The following MFSD6 variants were observed in gnomAD, a reference collection of about 807,000 sequenced individuals.
The protein encoded by MFSD6 is major facilitator superfamily domain containing 6.
Under a neutral mutation model 56.3 loss-of-function variants are expected in MFSD6, and 26 were observed. The ratio of observed to expected loss-of-function variants is 0.46; its 90% confidence interval spans 0.34 to 0.64. MFSD6 has a LOEUF of 0.64. Ranked by LOEUF, MFSD6 falls within the 30% of genes least tolerant of loss-of-function variation. MFSD6 has a pLI of 0.01. For missense variants in MFSD6, 750 were observed against 986.2 expected, an observed-to-expected ratio of 0.76 and a Z score of 3.21; for synonymous variants, 331 against 366.9, an observed-to-expected ratio of 0.90 and a Z score of 1.12.
In MFSD6 at chr2:190,424,410, A is replaced by C. The variant is rs1446609191; in HGVS notation, c.-54+8997A>C. ...GAGTGCAATGGCTCTGTCTCGGCTC[A>C]CTGCAACCTCCGCCTCCCAGGTTCA... On this transcript the variant is annotated intron_variant, in intron 2 of 7. Coordinates refer to ENST00000392328, the MANE Select transcript of MFSD6 (RefSeq NM_017694.4). The surrounding 1 kb of genome is among the most constrained non-coding windows in gnomAD (Gnocchi z 5.9). Among the ~76,000 whole-genome samples, 1 of 151,724 alleles carries C rather than the reference A, an allele frequency of 6.6e-6. No homozygotes were observed. The highest frequency in any genetic ancestry group is 1.5e-5 in the Non-Finnish European group (1 of 67,950).
chr2:190,435,791 T>C (rs1686156845), intron 2 of MFSD6, 186 bp from the exon 3 acceptor site: 1 of 474,420 alleles, frequency 2.1e-6, no homozygotes. Context: ...CCATAAAGAG[T>C]ATTCGATTTT....
At position 190,437,026 on chromosome 2, in the gene MFSD6, C is replaced by T. The variant is rs1246772562; in HGVS notation, c.997C>T (p.Leu333=). 1 of 1,614,104 alleles carries T rather than the reference C, an allele frequency of 6.2e-7. No homozygotes were observed. The highest frequency in any genetic ancestry group is 1.3e-5 in the African/African-American group (1 of 74,950). The part of the protein sequence containing the change: ...RYGLQRMWGS[L]GWGLAMLSVG... ...TGGGTTGCAGCGCATGTGGGGCTCCCTGGGCTGGGGCCTGGCGATGCTGTC... is the reference window on the plus strand; with the variant it reads ...TGGGTTGCAGCGCATGTGGGGCTCCTTGGGCTGGGGCCTGGCGATGCTGTC... The change falls in exon 3 of 8, where the codon CTG becomes TTG. Residue 333 remains leucine (L), a synonymous_variant. Coordinates refer to ENST00000392328, the MANE Select transcript of MFSD6 (RefSeq NM_017694.4). This position sits in a 1 kb window ranked among gnomAD's most constrained non-coding sequence, Gnocchi z 5.9.
intron 4 of MFSD6, among the ~76,000 whole-genome samples, chr2:190,474,623 A>C (rs962725996): frequency 1.3e-5 from 2 of 152,246 alleles, no homozygotes; most frequent in Non-Finnish European, 2.9e-5. Flanking sequence ...TCACAGCTGA[A>C]TTCGACCAGA....
chr2:190,449,796 T>C (rs1164183544), intron 3 of MFSD6, among the ~76,000 whole-genome samples: 1 of 151,406 alleles, frequency 6.6e-6, no homozygotes, highest in Non-Finnish European at 1.5e-5. Flanking sequence ...TTCTCACTCA[T>C]AGGTGGGAAC....
intron 3 of MFSD6, among the ~76,000 whole-genome samples, chr2:190,460,294 A>T (rs1202342305): frequency 2.0e-5 from 3 of 152,230 alleles, no homozygotes; most frequent in African/African-American, 7.2e-5. Context: ...CAGAATATAG[A>T]CATCTATTTT....
At chr2:190,452,049 A>T (rs1241624672) in intron 3 of MFSD6, among the ~76,000 whole-genome samples, 1 of 151,516 alleles carries the variant, frequency 6.6e-6, no homozygotes, top group Non-Finnish European at 1.5e-5. Context: ...TGATTTAGTG[A>T]TTTCTACCAA....
At chr2:190,422,824 T>A (rs951886066) in intron 2 of MFSD6, among the ~76,000 whole-genome samples, 68 of 152,186 alleles carry the variant, frequency 4.5e-4, no homozygotes, top group Non-Finnish European at 1.9e-4. Context: ...GAGTTATTAT[T>A]TTCTAGATGT....
At position 190,471,458 on chromosome 2, in the gene MFSD6, T is replaced by G. The variant is rs1372902110; in HGVS notation, c.1630+1603T>G. ...AGGAGATTATATCCCGCACCTGGCT[T>G]GGAGGGTCCTACGCCCACGGAGCCT... On this transcript the variant is annotated intron_variant, in intron 4 of 7. Transcript: ENST00000392328. This position sits in a 1 kb window ranked among gnomAD's most constrained non-coding sequence, Gnocchi z 4.7. Among the ~76,000 whole-genome samples the G allele has an allele frequency of 6.6e-6, 1 of 152,184 alleles. No individual in the cohort carries two copies. The highest frequency in any genetic ancestry group is 1.5e-5 in the Non-Finnish European group (1 of 68,020).
At chr2:190,427,952 G>A (rs528434863) in intron 2 of MFSD6, among the ~76,000 whole-genome samples, 5 of 152,114 alleles carry the variant, frequency 3.3e-5, no homozygotes, top group Non-Finnish European at 4.4e-5. Flanking sequence ...GACTGGTCTC[G>A]AACTCCTGAC....
chr2:190,413,774 G>A lies in MFSD6; in HGVS notation c.-175-1518G>A, dbSNP rs987296992. ...CAGGCAGGTGCACTCCACTCTGCAC[G>A]GGGCCTGCTCTCTCTGAGCTCCAAT... On this transcript the variant is annotated intron_variant, in intron 1 of 7. Transcript: ENST00000392328. The surrounding 1 kb of genome is among the most constrained non-coding windows in gnomAD (Gnocchi z 4.1). Among the ~76,000 whole-genome samples, 4 of 152,136 alleles carry A rather than the reference G, an allele frequency of 2.6e-5. No homozygotes were observed. The highest frequency in any genetic ancestry group is 9.7e-5 in the African/African-American group (4 of 41,434).
rs1412603517 is a variant in MFSD6, at chr2:190,496,492, AG to A, written c.1892-945del. Among the ~76,000 whole-genome samples, 2 of 152,362 alleles carry A rather than the reference AG, an allele frequency of 1.3e-5. No homozygotes were observed. Among genetic ancestry groups the A allele is most frequent in the East Asian group, 3.9e-4 (2 of 5,192 alleles). ...ATCCCACTACTGGGTATCTACCCAG[AG>A]GAAAAGAAGTCATTATATGAAAAAG... On this transcript the variant is annotated intron_variant, in intron 6 of 7. Coordinates refer to ENST00000392328, the MANE Select transcript of MFSD6 (RefSeq NM_017694.4). The surrounding 1 kb of genome is among the most constrained non-coding windows in gnomAD (Gnocchi z 4.7).
rs1348699566 is a variant in MFSD6, at chr2:190,436,691, A to G, written c.662A>G (p.Asn221Ser). 1 of 1,614,094 alleles carries G rather than the reference A, an allele frequency of 6.2e-7. No homozygotes were observed. Among genetic ancestry groups the G allele is most frequent in the Non-Finnish European group, 8.5e-7 (1 of 1,180,050 alleles). ...TVTLPTAPNM[N>S]SEPTLQPQTG... Reference sequence around the variant, plus strand: ...ACTTTGCCAACAGCTCCAAACATGAACAGTGAACCCACTCTGCAGCCCCAG... The same window carrying G: ...ACTTTGCCAACAGCTCCAAACATGAGCAGTGAACCCACTCTGCAGCCCCAG... The change falls in exon 3 of 8, where the codon AAC (asparagine) becomes AGC (serine). Residue 221 changes from asparagine to serine, a missense_variant. This residue lies in a region of MFSD6 where 376 missense variants were observed against 437.9 expected (regional missense o/e 0.86). Coordinates refer to ENST00000392328, the MANE Select transcript of MFSD6 (RefSeq NM_017694.4). This position sits in a 1 kb window ranked among gnomAD's most constrained non-coding sequence, Gnocchi z 5.3.
At position 190,425,071 on chromosome 2, in the gene MFSD6, T is replaced by C. The variant is rs574705555; in HGVS notation, c.-54+9658T>C. ...TTTTCAGCATAAGGCCTTGTACACA[T>C]TTTTTAAATTTATACCCAAGTGTTT... On this transcript the variant is annotated intron_variant, in intron 2 of 7. Coordinates refer to ENST00000392328, the MANE Select transcript of MFSD6 (RefSeq NM_017694.4). This position sits in a 1 kb window ranked among gnomAD's most constrained non-coding sequence, Gnocchi z 4.3. Among the ~76,000 whole-genome samples, 161 of 151,298 alleles carry C rather than the reference T, an allele frequency of 1.1e-3. No individual in the cohort carries two copies. The highest frequency in any genetic ancestry group is 1.4e-3 in the Non-Finnish European group (92 of 68,018).
intron 2 of MFSD6, among the ~76,000 whole-genome samples, chr2:190,422,561 G>A (rs1685660434): frequency 6.6e-6 from 1 of 152,166 alleles, no homozygotes; most frequent in Non-Finnish European, 1.5e-5. Flanking sequence ...TGATGTTGTT[G>A]AGATATCTGA....
In MFSD6 at chr2:190,487,186, C is replaced by T. The variant is rs2125229468; in HGVS notation, c.1631-1471C>T. 6.6e-6 allele frequency among the ~76,000 whole-genome samples: 1 copy of T among 151,144 alleles called. No individual in the cohort carries two copies. Among genetic ancestry groups the T allele is most frequent in the African/African-American group, 2.4e-5 (1 of 41,100 alleles). On this transcript the variant is annotated intron_variant, in intron 4 of 7. Coordinates refer to ENST00000392328, the MANE Select transcript of MFSD6 (RefSeq NM_017694.4). This position sits in a 1 kb window ranked among gnomAD's most constrained non-coding sequence, Gnocchi z 5.5. ...TGAAACCCTGTCTCTACTAAAAATA[C>T]AAAAATTAGCTGGGGGTGGTGGCGG...
intron 4 of MFSD6, among the ~76,000 whole-genome samples, chr2:190,478,576 C>CT (rs778181726): frequency 6.6e-6 from 1 of 152,148 alleles, no homozygotes; most frequent in African/African-American, 2.4e-5. Context: ...AAAGGAGACT[C>CT]TATTTAGGAT....
rs370061335 is a variant in MFSD6, at chr2:190,461,076, C to T, written c.1533-8682C>T. 6.6e-6 allele frequency among the ~76,000 whole-genome samples: 1 copy of T among 152,100 alleles called. No homozygotes were observed. Among genetic ancestry groups the T allele is most frequent in the African/African-American group, 2.4e-5 (1 of 41,406 alleles). ...ACTCTTTGGACAACTAGATGGTTTA[C>T]CCACACCCAATCTCCCAAGAGTTTC... On this transcript the variant is annotated intron_variant, in intron 3 of 7. Coordinates refer to ENST00000392328, the MANE Select transcript of MFSD6 (RefSeq NM_017694.4). This position sits in a 1 kb window ranked among gnomAD's most constrained non-coding sequence, Gnocchi z 5.5.
intron 4 of MFSD6, among the ~76,000 whole-genome samples, chr2:190,481,410 A>C (rs1281911505): frequency 6.6e-6 from 1 of 152,196 alleles, no homozygotes; most frequent in East Asian, 1.9e-4. Context: ...AACCTTACCC[A>C]GGGTACCTTT....
intron 4 of MFSD6, among the ~76,000 whole-genome samples, chr2:190,486,479 A>C (rs529459215): frequency 6.6e-6 from 1 of 152,296 alleles, no homozygotes; most frequent in African/African-American, 2.4e-5. Context: ...AGAGTCTTCA[A>C]CTTGGCAGTT....
Sources: gnomAD v4.1 joint callset for allele counts (sites outside exome capture counted in the v4.1 genomes callset) on GRCh38, gnomAD v4.1.1 for gene constraint, gnomAD v4.1.1 regional missense constraint, Gnocchi (gnomAD v3.1) non-coding constraint, MANE v1.5 for transcripts, NCBI Gene and HGNC (gene_info 2026-07-23, HGNC 2026-07-21) for gene names.